INPP5A: variants seen among roughly 807,000 people sequenced by gnomAD.
INPP5A encodes the protein inositol polyphosphate-5-phosphatase A.
Under a neutral mutation model 65.2 loss-of-function variants are expected in INPP5A, and 14 were observed. That is an observed-to-expected ratio of 0.21 (90% CI 0.14 to 0.34). The LOEUF is 0.34. INPP5A is among the 10% of genes least tolerant of loss of function. INPP5A has a pLI of 1.00. For missense variants in INPP5A, 431 were observed against 545.6 expected (o/e 0.79, Z 2.09); for synonymous variants, 207 against 208.3 (o/e 0.99, Z 0.05).
At chr10:132,573,410 G>A (rs1300261699) in intron 1 of INPP5A, among the ~76,000 whole-genome samples, 21 of 121,776 alleles carry the variant, frequency 1.7e-4, no homozygotes, top group Admixed American at 9.6e-4. Flanking sequence ...TGTGCGTGCC[G>A]TGTGAGGTTT....
intron 2 of INPP5A, among the ~76,000 whole-genome samples, chr10:132,625,721 G>A (rs916297056): frequency 6.6e-6 from 1 of 152,144 alleles, no homozygotes; most frequent in East Asian, 1.9e-4. Context: ...GAGGTCAGGG[G>A]CGTGCCTTGG....
At chr10:132,689,226 G>A (rs1845213466) in intron 4 of INPP5A, among the ~76,000 whole-genome samples, 1 of 152,204 alleles carries the variant, frequency 6.6e-6, no homozygotes, top group Admixed American at 6.5e-5. Flanking sequence ...CAGAGTTGGG[G>A]TTAGAGCCCC....
In INPP5A at chr10:132,783,431, G is replaced by C. The variant is rs1181381968; in HGVS notation, c.*1402G>C. On this transcript the variant is annotated 3_prime_UTR_variant, in exon 16 of 16. Transcript: ENST00000368594. ...TGTTGGTCGTTCTGAGGGGCCTTTG[G>C]AAGTGACCGGTCTGGTTCCTAAGCA... The C allele has an allele frequency of 6.6e-6, 1 of 152,466 alleles. No individual in the cohort carries two copies. Among genetic ancestry groups the C allele is most frequent in the African/African-American group, 2.4e-5 (1 of 41,452 alleles). The allele number at this position is 152,466 out of a possible 1,614,324, so 9.4% of individuals were successfully genotyped here. A position where few individuals can be genotyped will look rare whatever the true frequency, so the allele number is the denominator to read the frequency against.
chr10:132,720,617 G>C (rs1451285880), intron 8 of INPP5A, among the ~76,000 whole-genome samples: 2 of 150,700 alleles, frequency 1.3e-5, no homozygotes, highest in African/African-American at 4.9e-5. Context: ...TCAGGGTTCT[G>C]TGGTACCTGG....
Position 132,697,938 on chromosome 10 carries a change from T to C in INPP5A, c.474+19T>C. The C allele has an allele frequency of 6.6e-7, 1 of 1,522,678 alleles. No individual in the cohort carries two copies. The highest frequency in any genetic ancestry group is 1.1e-5 in the South Asian group (1 of 88,318). 94.3% of individuals were successfully genotyped at this position (1,522,678 alleles called of 1,614,324 possible). A position where few individuals can be genotyped will look rare whatever the true frequency, so the allele number is the denominator to read the frequency against. On this transcript the variant is annotated intron_variant, in intron 6 of 15. Transcript: ENST00000368594. This position sits in a 1 kb window ranked among gnomAD's most constrained non-coding sequence, Gnocchi z 5.6. ...CCCCGAGGTACGTAGCGAGGCTTTC[T>C]CACTGACGTGTTTACTTCTCAGAGT...
At chr10:132,701,857 G>A (rs909455159) in intron 6 of INPP5A, among the ~76,000 whole-genome samples, 2 of 152,368 alleles carry the variant, frequency 1.3e-5, no homozygotes, top group African/African-American at 4.8e-5. Context: ...GGTGGTTCCC[G>A]TTCTGGTTCT....
intron 3 of INPP5A, among the ~76,000 whole-genome samples, chr10:132,647,733 C>T (rs1344433082): frequency 1.3e-5 from 2 of 152,098 alleles, no homozygotes; most frequent in Non-Finnish European, 2.9e-5. Flanking sequence ...TGGGCTGGGG[C>T]ACGGCATCAT....
rs1845236201 is a variant in INPP5A at position 132,690,261 on chromosome 10, CTG to C, written c.307-128_307-127del. ...TGCCTGACATCCTGTGCCTCAGTAA[CTG>C]TGATTAAATTATAACTGGTGAAACT... On this transcript the variant is annotated intron_variant, in intron 4 of 15. Coordinates refer to ENST00000368594, the MANE Select transcript of INPP5A (RefSeq NM_005539.5). The C allele has an allele frequency of 1.2e-5, 8 of 680,036 alleles. No homozygotes were observed. The East Asian group carries it at 2.1e-4, about 18-fold the overall frequency. The allele number at this position is 680,036 out of a possible 1,614,324, so 42.1% of individuals were successfully genotyped here.
At chr10:132,610,010 G>A (rs1280015599) in intron 2 of INPP5A, among the ~76,000 whole-genome samples, 2 of 152,152 alleles carry the variant, frequency 1.3e-5, no homozygotes, top group Non-Finnish European at 2.9e-5. Flanking sequence ...TCAAGCCAGC[G>A]GCAGCCCCGC....
intron 1 of INPP5A, among the ~76,000 whole-genome samples, chr10:132,571,238 A>C (rs2071338107): frequency 6.6e-6 from 1 of 152,276 alleles, no homozygotes. Flanking sequence ...AAAAGGAGAG[A>C]TCGCCTAGCA....
rs114525076 is a variant in INPP5A at position 132,748,610 on chromosome 10, G to A, written c.733-907G>A. Among the ~76,000 whole-genome samples, 428 of 152,314 alleles carry A rather than the reference G, an allele frequency of 2.8e-3. 6 individuals carry two copies. Among genetic ancestry groups the A allele is most frequent in the African/African-American group, 8.6e-3 (359 of 41,572 alleles). ...CCCTGCATTGTACTGAGGTTAAGAC[G>A]AGAAGAATTTTCAAAACAGGCCTCA... is the stretch of plus-strand genomic sequence containing the variant. On this transcript the variant is annotated intron_variant, in intron 9 of 15. Transcript: ENST00000368594.
At chr10:132,608,924 G>T (rs974260184) in intron 2 of INPP5A, among the ~76,000 whole-genome samples, 3 of 152,196 alleles carry the variant, frequency 2.0e-5, no homozygotes, top group African/African-American at 7.2e-5. Flanking sequence ...TGGGCCAGAG[G>T]TGGAGCTGGG....
intron 4 of INPP5A, among the ~76,000 whole-genome samples, chr10:132,688,823 T>A (rs1845198620): frequency 7.6e-4 from 3 of 3,928 alleles, no homozygotes; most frequent in Non-Finnish European, 1.3e-3. Flanking sequence ...AGTGCATGAC[T>A]GAGTGCAAGT....
At chr10:132,646,774 C>T (rs374544988) in intron 3 of INPP5A, among the ~76,000 whole-genome samples, 98 of 152,148 alleles carry the variant, frequency 6.4e-4, no homozygotes, top group African/African-American at 2.1e-3. Context: ...TGTGGGCCGA[C>T]GCCGCTGCCA....
rs368753307 is a variant in INPP5A, at chr10:132,650,518, C to G, written c.306+13C>G. On this transcript the variant is annotated intron_variant, in intron 4 of 15. Coordinates refer to ENST00000368594, the MANE Select transcript of INPP5A (RefSeq NM_005539.5). This position sits in a 1 kb window ranked among gnomAD's most constrained non-coding sequence, Gnocchi z 5.5. ...GGAGCACTTCACGGTGAGTCCCTCC[C>G]GCTGCCTGGTGCAGGGGTCAGACAG... 1 of 1,590,020 alleles carries G rather than the reference C, an allele frequency of 6.3e-7. No individual in the cohort carries two copies. The highest frequency in any genetic ancestry group is 1.3e-5 in the African/African-American group (1 of 74,646).
intron 1 of INPP5A, among the ~76,000 whole-genome samples, chr10:132,540,705 A>G (rs1317058716): frequency 6.6e-6 from 1 of 152,136 alleles, no homozygotes; most frequent in African/African-American, 2.4e-5. Flanking sequence ...CTGCTTTGAG[A>G]TTCTGTTTGC....
chr10:132,665,681 T>C (rs914300777), intron 4 of INPP5A, among the ~76,000 whole-genome samples: 1 of 144,920 alleles, frequency 6.9e-6, no homozygotes, highest in South Asian at 2.3e-4. Context: ...GGTGAATTGC[T>C]TGAGTTTAGG....
At chr10:132,695,845 G>T (rs528906325) in intron 5 of INPP5A, among the ~76,000 whole-genome samples, 2 of 152,236 alleles carry the variant, frequency 1.3e-5, no homozygotes. Context: ...AAATAAGGAA[G>T]ATCTAGATAA....
In INPP5A at chr10:132,644,748, C is replaced by T. The variant is rs914848748; in HGVS notation, c.118-1120C>T. ...CCTGTCGGGGCTTGCTCCTTGGAAG[C>T]GCTGCGCATCCTGTGTTCCAGGGGA... On this transcript the variant is annotated intron_variant, in intron 2 of 15. Transcript: ENST00000368594. This position sits in a 1 kb window ranked among gnomAD's most constrained non-coding sequence, Gnocchi z 6.5. Among the ~76,000 whole-genome samples the T allele has an allele frequency of 3.9e-5, 6 of 152,366 alleles. No homozygotes were observed. The highest frequency in any genetic ancestry group is 1.2e-4 in the African/African-American group (5 of 41,590).
Sources: gnomAD v4.1 joint callset for allele counts (sites outside exome capture counted in the v4.1 genomes callset) on GRCh38, gnomAD v4.1.1 for gene constraint, Gnocchi (gnomAD v3.1) non-coding constraint, MANE v1.5 for transcripts, NCBI Gene and HGNC (gene_info 2026-07-23, HGNC 2026-07-21) for gene names.